The following CDH12 variants were observed in gnomAD, a reference collection of about 807,000 sequenced individuals.
CDH12 encodes cadherin-12.
Under a neutral mutation model 74.1 loss-of-function variants are expected in CDH12, and 41 were observed. That is an observed-to-expected ratio of 0.55 (90% CI 0.43 to 0.72). The LOEUF is 0.72. CDH12 is among the 30% of genes least tolerant of loss of function. The pLI is 0.00. For missense variants in CDH12, 945 were observed against 977.2 expected (o/e 0.97, Z 0.44); for synonymous variants, 399 against 355.0 (o/e 1.12, Z -1.39).
chr5:22,262,000 C>A (rs1045552966), intron 3 of CDH12, among the ~76,000 whole-genome samples: 6 of 151,850 alleles, frequency 4.0e-5, no homozygotes, highest in African/African-American at 9.7e-5. Flanking sequence ...TTAAAAAATA[C>A]GATACAAATC....
intron 4 of CDH12, among the ~76,000 whole-genome samples, chr5:22,096,612 C>T (rs1358664924): frequency 6.6e-6 from 1 of 152,138 alleles, no homozygotes; most frequent in Non-Finnish European, 1.5e-5. Context: ...TACTAGCCCT[C>T]CCCCACCTGC....
chr5:22,142,586 G>A, intron 4 of CDH12: 1 of 640,420 alleles, frequency 1.6e-6, no homozygotes, highest in Non-Finnish European at 2.6e-6. Context: ...TTTTGACAGT[G>A]AGTAGTTTTT....
intron 4 of CDH12, among the ~76,000 whole-genome samples, chr5:22,160,193 G>A (rs1748258387): frequency 1.3e-5 from 2 of 152,100 alleles, no homozygotes; most frequent in South Asian, 4.1e-4. Context: ...AATAGATTCA[G>A]TCTGGCAGAA....
At chr5:22,696,350 G>A (rs371211238) in intron 1 of CDH12, among the ~76,000 whole-genome samples, 6 of 122,300 alleles carry the variant, frequency 4.9e-5, no homozygotes, top group East Asian at 4.6e-4. Context: ...CAGCCTGGGC[G>A]ACAGAGTGAG....
chr5:22,319,767 A>G (rs1166247029), intron 3 of CDH12, among the ~76,000 whole-genome samples: 2 of 152,020 alleles, frequency 1.3e-5, no homozygotes, highest in Non-Finnish European at 2.9e-5. Context: ...TTCCATTGGG[A>G]TCATTTCAGG....
At chr5:21,869,655 T>A (rs1275151264) in intron 6 of CDH12, among the ~76,000 whole-genome samples, 1 of 152,176 alleles carries the variant, frequency 6.6e-6, no homozygotes, top group East Asian at 1.9e-4. Flanking sequence ...AGGGTAAGCA[T>A]CACCCAAAGA....
intron 7 of CDH12, among the ~76,000 whole-genome samples, chr5:21,853,451 T>C (rs1378958581): frequency 1.3e-5 from 2 of 151,610 alleles, no homozygotes; most frequent in African/African-American, 4.8e-5. Context: ...CTCCCTGTTT[T>C]AGTCCTTTAA....
chr5:22,205,107 T>C (rs1216561051), intron 4 of CDH12, among the ~76,000 whole-genome samples: 1 of 152,232 alleles, frequency 6.6e-6, no homozygotes, highest in African/African-American at 2.4e-5. Flanking sequence ...TGGTTGAATC[T>C]TACACATTAA....
intron 6 of CDH12, among the ~76,000 whole-genome samples, chr5:21,921,164 T>G (rs1754333537): frequency 6.6e-6 from 1 of 152,086 alleles, no homozygotes; most frequent in African/African-American, 2.4e-5. Context: ...ATAAAAGAAA[T>G]AAAAAAGACA....
chr5:22,047,775 A>T (rs180912211), intron 5 of CDH12, among the ~76,000 whole-genome samples: 1 of 152,104 alleles, frequency 6.6e-6, no homozygotes, highest in Non-Finnish European at 1.5e-5. Context: ...CAAACCCAAC[A>T]TACCTAAAAT....
chr5:22,374,149 G>A (rs939623070), intron 3 of CDH12, among the ~76,000 whole-genome samples: 1 of 151,780 alleles, frequency 6.6e-6, no homozygotes, highest in Admixed American at 6.6e-5. Context: ...TGCCAAAATG[G>A]TTCACAATAT....
At chr5:22,807,142 T>C (rs1748859030) in intron 1 of CDH12, among the ~76,000 whole-genome samples, 1 of 152,192 alleles carries the variant, frequency 6.6e-6, no homozygotes, top group Non-Finnish European at 1.5e-5. Flanking sequence ...AAGTAGATTT[T>C]GACTGAAAAG....
At chr5:22,571,440 C>A (rs370279832) in intron 1 of CDH12, among the ~76,000 whole-genome samples, 1 of 152,234 alleles carries the variant, frequency 6.6e-6, no homozygotes, top group East Asian at 1.9e-4. Context: ...GATTCTCCTG[C>A]CTCAGCATCC....
In CDH12 at chr5:22,402,801, G is replaced by A. The variant is rs574986648; in HGVS notation, c.-333+2456C>T. On this transcript the variant is annotated intron_variant, in intron 3 of 14. Coordinates refer to ENST00000382254, the MANE Select transcript of CDH12 (RefSeq NM_004061.5). ...TTCATGGATCCAGTCAACCATCTTA[G>A]GAGAAGCCAGAAATAGAAATGGAGT... Among the ~76,000 whole-genome samples, 9 of 152,252 alleles carry A rather than the reference G, an allele frequency of 5.9e-5. No homozygotes were observed. The East Asian group carries it at 1.7e-3, about 29-fold the overall frequency.
intron 1 of CDH12, among the ~76,000 whole-genome samples, chr5:22,753,205 A>C (rs1745685671): frequency 6.6e-6 from 1 of 152,182 alleles, no homozygotes; most frequent in South Asian, 2.1e-4. Flanking sequence ...AAGTTTATTA[A>C]GCTTGCTATG....
chr5:21,842,186 A>G lies in CDH12; in HGVS notation c.789T>C (p.Asn263=), dbSNP rs766274419. The part of the protein sequence containing the change: ...TIVNITLTDV[N]DNPPRFPKSI... Reference sequence around the variant, plus strand: ...TTTTGGGGAATCGAGGTGGATTGTCATTGACATCGGTGAGAGTGATGTTGA... The same window carrying G: ...TTTTGGGGAATCGAGGTGGATTGTCGTTGACATCGGTGAGAGTGATGTTGA... The change falls in exon 8 of 15, where the codon AAT becomes AAC. Residue 263 remains asparagine, a synonymous_variant. Coordinates refer to ENST00000382254, the MANE Select transcript of CDH12 (RefSeq NM_004061.5). 4 of 1,612,306 alleles carry G rather than the reference A, an allele frequency of 2.5e-6. No homozygotes were observed. The highest frequency in any genetic ancestry group is 2.2e-5 in the South Asian group (2 of 90,630).
intron 3 of CDH12, among the ~76,000 whole-genome samples, chr5:22,251,693 AAAT>A (rs1471055215): frequency 3.9e-5 from 6 of 152,130 alleles, no homozygotes; most frequent in Non-Finnish European, 7.4e-5. Context: ...AAATAGAAGA[AAAT>A]AATTATATCC....
chr5:22,083,320 T>C (rs1034603622), intron 4 of CDH12, among the ~76,000 whole-genome samples: 3 of 152,192 alleles, frequency 2.0e-5, no homozygotes, highest in African/African-American at 7.2e-5. Flanking sequence ...TCCTTAGTTT[T>C]AACTCATGTT....
intron 3 of CDH12, among the ~76,000 whole-genome samples, chr5:22,315,983 T>G (rs937591989): frequency 6.6e-6 from 1 of 152,120 alleles, no homozygotes; most frequent in East Asian, 1.9e-4. Flanking sequence ...ATCAGCCAGC[T>G]AACGGGAACG....
Sources: gnomAD v4.1 joint callset for allele counts (sites outside exome capture counted in the v4.1 genomes callset) on GRCh38, gnomAD v4.1.1 for gene constraint, MANE v1.5 for transcripts, NCBI Gene and HGNC (gene_info 2026-07-23, HGNC 2026-07-21) for gene names.